The following CD8B variants were observed in gnomAD, a reference collection of about 807,000 sequenced individuals.
CD8B encodes T-cell surface glycoprotein CD8 beta chain.
A neutral mutation model predicts 24.2 loss-of-function variants in CD8B; 6 were observed. The ratio of observed to expected loss-of-function variants is 0.25; its 90% CI spans 0.14 to 0.49. The LOEUF (loss-of-function observed/expected upper bound fraction) is 0.49, where lower values mean the gene tolerates loss of function less well. Ranked by LOEUF, CD8B falls within the 20% of genes least tolerant of loss-of-function variation. The probability of loss-of-function intolerance (pLI) is 0.98; values close to 1 mark genes in which losing one functional copy is unlikely to be tolerated. For synonymous variants in CD8B, 84 were observed against 108.3 expected (o/e 0.78, Z 1.39); for missense variants, 196 against 271.3 (o/e 0.72, Z 1.95).
exon 6 of CD8B, chr2:86,815,692 G>T (rs1228094829): frequency 1.2e-6 from 2 of 1,610,444 alleles, no homozygotes; most frequent in African/African-American, 2.7e-5. Flanking sequence ...GGGGACAAAG[G>T]TTCCTGATAT....
At chr2:86,858,546 T>G (rs1297265380) in intron 1 of CD8B, 130 bp from the exon 2 acceptor site, 37 of 1,445,732 alleles carry the variant, frequency 2.6e-5, no homozygotes, top group Admixed American at 2.2e-4. Flanking sequence ...GTCCAGGGAG[T>G]GTGTTGAGCG....
intron 4 of CD8B, 144 bp from the exon 5 acceptor site, chr2:86,845,102 C>T: frequency 8.7e-7 from 1 of 1,146,010 alleles, no homozygotes; most frequent in African/African-American, 1.6e-5. Flanking sequence ...ACACTTTACA[C>T]ATTTTAATCC....
At position 86,839,181 on chromosome 2, in the gene CD8B, AT is replaced by A. The variant is rs1439246630; in HGVS notation, c.*3125del. Among the ~76,000 whole-genome samples the A allele has an allele frequency of 3.3e-5, 5 of 152,244 alleles. No individual in the cohort carries two copies. The highest frequency in any genetic ancestry group is 1.2e-4 in the African/African-American group (5 of 41,464). On this transcript the variant is annotated 3_prime_UTR_variant, in exon 6 of 6. Coordinates refer to ENST00000390655, the MANE Select transcript of CD8B (RefSeq NM_004931.5). ...AATAATCTATACAGATGTTTTAAAA[AT>A]ATATGCATTTGTCATAACCATCATT...
chr2:86,858,336 C>A lies in CD8B; in HGVS notation c.124G>T (p.Glu42Ter), dbSNP rs753422558. The change falls in exon 2 of 6, where the codon GAG becomes TAG. Residue 42 changes from glutamate to a stop codon, truncating the protein, a stop_gained. Transcript: ENST00000390655. LOFTEE classifies it high-confidence loss of function. ...QTNKMVMLSC[E>*]AKISLSNMRI... Reference sequence around the variant, plus strand: ...ATGTTACTGAGGGAGATTTTAGCCTCGCAGGACAGCATCACCATCTTGTTG... The same window carrying A: ...ATGTTACTGAGGGAGATTTTAGCCTAGCAGGACAGCATCACCATCTTGTTG... 6.2e-7 allele frequency: 1 copy of A among 1,613,870 alleles called. No individual in the cohort carries two copies. Among genetic ancestry groups the A allele is most frequent in the Non-Finnish European group, 8.5e-7 (1 of 1,179,848 alleles).
chr2:86,827,494 T>A (rs1293297699), intron 5 of CD8B, among the ~76,000 whole-genome samples: 5 of 151,922 alleles, frequency 3.3e-5, no homozygotes, highest in Admixed American at 3.3e-4. Flanking sequence ...CATGGTGGCA[T>A]GTGCCTGTGG....
intron 5 of CD8B, among the ~76,000 whole-genome samples, chr2:86,829,019 G>A (rs537671651): frequency 1.3e-5 from 2 of 148,488 alleles, no homozygotes; most frequent in African/African-American, 5.0e-5. Flanking sequence ...TAAACAAGAC[G>A]ATAAAGATCA....
At chr2:86,860,288 AAAAAAT>A (rs1321574349) in intron 1 of CD8B, among the ~76,000 whole-genome samples, 2 of 152,272 alleles carry the variant, frequency 1.3e-5, no homozygotes, top group African/African-American at 4.8e-5. Context: ...AAAAATTATT[AAAAAAT>A]AAAAATAAAA....
At chr2:86,858,963 G>T (rs1335606062) in intron 1 of CD8B, among the ~76,000 whole-genome samples, 1 of 152,116 alleles carries the variant, frequency 6.6e-6, no homozygotes, top group Non-Finnish European at 1.5e-5. Flanking sequence ...GAGGCATGAA[G>T]TTACTTGTTC....
Position 86,842,185 on chromosome 2 carries a change from G to A in CD8B, c.*122C>T, listed in dbSNP as rs1364783485. The A allele has an allele frequency of 2.7e-6, 4 of 1,486,296 alleles. No homozygotes were observed. In the African/African-American group the frequency reaches 5.7e-5, roughly 21 times the overall value. The allele number at this position is 1,486,296 out of a possible 1,614,324, so 92.1% of individuals were successfully genotyped here. ...AAAGGCCTTGCAGCAGTGAAAAGCA[G>A]GCAGCTTCAGCAGCCATTGAACTCT... is the stretch of plus-strand genomic sequence containing the variant. On this transcript the variant is annotated 3_prime_UTR_variant, in exon 6 of 6. Transcript: ENST00000390655.
At chr2:86,830,672 A>G (rs964844089) in intron 5 of CD8B, among the ~76,000 whole-genome samples, 13 of 152,134 alleles carry the variant, frequency 8.5e-5, no homozygotes, top group Non-Finnish European at 1.5e-4. Context: ...AAAAATACAC[A>G]AATTTGAGGC....
intron 5 of CD8B, among the ~76,000 whole-genome samples, chr2:86,828,505 C>G (rs1314754284): frequency 6.6e-6 from 1 of 152,132 alleles, no homozygotes; most frequent in Non-Finnish European, 1.5e-5. Context: ...TTGACAATCT[C>G]TCTTCTGAAG....
intron 2 of CD8B, among the ~76,000 whole-genome samples, chr2:86,854,342 T>C (rs113396465): frequency 0.018 from 2,782 of 152,302 alleles, 91 homozygotes; most frequent in African/African-American, 0.063. Flanking sequence ...TTTCTGCATG[T>C]AGAGTACCAC....
chr2:86,858,777 C>T (rs1320485270), intron 1 of CD8B, among the ~76,000 whole-genome samples: 3 of 149,998 alleles, frequency 2.0e-5, no homozygotes, highest in Admixed American at 1.3e-4. Flanking sequence ...TTATGTTGCC[C>T]AGGTTGGAGT....
chr2:86,832,019 G>A (rs1674921299), intron 5 of CD8B, among the ~76,000 whole-genome samples: 1 of 152,232 alleles, frequency 6.6e-6, no homozygotes, highest in Non-Finnish European at 1.5e-5. Flanking sequence ...GAAGGTATCA[G>A]TGAGTGGGAA....
intron 5 of CD8B, among the ~76,000 whole-genome samples, chr2:86,832,607 C>T (rs1413525860): frequency 6.6e-6 from 1 of 152,038 alleles, no homozygotes; most frequent in African/African-American, 2.4e-5. Context: ...GGTTGTGAGC[C>T]ACTATGATAC....
downstream of CD8B, among the ~76,000 whole-genome samples, chr2:86,833,484 C>T (rs1413780631): frequency 6.9e-6 from 1 of 145,546 alleles, no homozygotes; most frequent in African/African-American, 2.5e-5. Context: ...CGGCCCTCTC[C>T]TCTCCTCTCC....
intron 5 of CD8B, among the ~76,000 whole-genome samples, chr2:86,824,285 C>T (rs1008786878): frequency 6.6e-6 from 1 of 152,112 alleles, no homozygotes; most frequent in Non-Finnish European, 1.5e-5. Flanking sequence ...GGCTGAGGCT[C>T]AGATCAATGC....
rs1232694587 is a variant in CD8B at position 86,822,395 on chromosome 2, A to G, written c.621-6677T>C. 4 of 1,482,004 alleles carry G rather than the reference A, an allele frequency of 2.7e-6. No individual in the cohort carries two copies. The South Asian group carries it at 3.5e-5, about 13-fold the overall frequency. The allele number at this position is 1,482,004 out of a possible 1,614,324, so 91.8% of individuals were successfully genotyped here. A position where few individuals can be genotyped will look rare whatever the true frequency, so the allele number is the denominator to read the frequency against. On this transcript the variant is annotated intron_variant, in intron 5 of 5. Coordinates refer to the CD8B transcript ENST00000331469. The stretch of plus-strand genomic sequence containing the variant: ...TTAGTCTTGGCACAATAGAGTATGA[A>G]CAGAGATGTTAAATGTTAAAAGCAA...
intron 1 of CD8B, among the ~76,000 whole-genome samples, chr2:86,861,492 C>A (rs1424855247): frequency 6.6e-6 from 1 of 152,212 alleles, no homozygotes; most frequent in African/African-American, 2.4e-5. Flanking sequence ...GGGCAGGGAC[C>A]TGTTTCCTTC....
Sources: gnomAD v4.1 joint callset for allele counts (sites outside exome capture counted in the v4.1 genomes callset) on GRCh38, gnomAD v4.1.1 for gene constraint, MANE v1.5 for transcripts, NCBI Gene and HGNC (gene_info 2026-07-23, HGNC 2026-07-21) for gene names.